Variants in PIEZO2 observed in about 807,000 individuals in gnomAD.
PIEZO2 encodes piezo type mechanosensitive ion channel component 2.
Under a neutral mutation model 337.3 loss-of-function variants are expected in PIEZO2, and 172 were observed. The ratio of observed to expected loss-of-function variants is 0.51; its 90% CI spans 0.45 to 0.58. PIEZO2 has a LOEUF of 0.58. Ranked by LOEUF, PIEZO2 falls within the 20% of genes least tolerant of loss-of-function variation. PIEZO2 has a pLI of 0.00. For missense variants in PIEZO2, 3,028 were observed against 3,391.3 expected (o/e 0.89, Z 2.66); for synonymous variants, 1,251 against 1,228.5 (o/e 1.02, Z -0.38).
At position 10,969,323 on chromosome 18, in the gene PIEZO2, C is replaced by G. The variant is rs2034143807; in HGVS notation, c.286+10212G>C. ...TTATTTAAGCAAACCAAATCAATCC[C>G]AAATCATTTTAAACTTCCTGCTCTG... is the stretch of plus-strand genomic sequence containing the variant. On this transcript the variant is annotated intron_variant, in intron 3 of 55. Coordinates refer to ENST00000674853, the MANE Select transcript of PIEZO2 (RefSeq NM_001378183.1). This position sits in a 1 kb window ranked among gnomAD's most constrained non-coding sequence, Gnocchi z 4.5. Among the ~76,000 whole-genome samples, 1 of 152,124 alleles carries G rather than the reference C, an allele frequency of 6.6e-6. No homozygotes were observed. Among genetic ancestry groups the G allele is most frequent in the African/African-American group, 2.4e-5 (1 of 41,434 alleles).
intron 2 of PIEZO2, among the ~76,000 whole-genome samples, chr18:10,989,329 A>AT (rs2035004271): frequency 6.6e-6 from 1 of 152,158 alleles, no homozygotes; most frequent in East Asian, 1.9e-4. Context: ...ATAGAAAAAA[A>AT]TAATACTGGA....
rs182712549 is a variant in PIEZO2, at chr18:10,708,798, A to G, written c.5424-359T>C. 2.7e-3 allele frequency among the ~76,000 whole-genome samples: 409 copies of G among 152,374 alleles called. 7 individuals carry two copies. Among genetic ancestry groups the G allele is most frequent in the African/African-American group, 9.4e-3 (393 of 41,598 alleles). ...GGGTTTCTTTTAAATGAAAGAAAAT[A>G]TGCTTTATTTGGAGCTTGCAGTCCT... is the stretch of plus-strand genomic sequence containing the variant. On this transcript the variant is annotated intron_variant, in intron 39 of 55. Coordinates refer to ENST00000674853, the MANE Select transcript of PIEZO2 (RefSeq NM_001378183.1).
chr18:11,093,082 G>C (rs1486917990), intron 1 of PIEZO2, among the ~76,000 whole-genome samples: 1 of 152,192 alleles, frequency 6.6e-6, no homozygotes, highest in Non-Finnish European at 1.5e-5. Flanking sequence ...AGCTTCAGCA[G>C]CTTTGATTAC....
intron 18 of PIEZO2, among the ~76,000 whole-genome samples, chr18:10,774,679 GTTT>G (rs371792915): frequency 2.2e-4 from 33 of 152,068 alleles, no homozygotes; most frequent in African/African-American, 7.5e-4. Flanking sequence ...TTCTCCTACA[GTTT>G]TTTTTAAAAG....
intron 3 of PIEZO2, among the ~76,000 whole-genome samples, chr18:10,957,279 C>A (rs1333682130): frequency 2.0e-5 from 3 of 152,042 alleles, no homozygotes; most frequent in Non-Finnish European, 4.4e-5. Context: ...AGCCTGTAAT[C>A]CCAGCTACTT....
chr18:10,968,755 T>C (rs1030605430), intron 3 of PIEZO2, among the ~76,000 whole-genome samples: 1 of 152,234 alleles, frequency 6.6e-6, no homozygotes, highest in Non-Finnish European at 1.5e-5. Flanking sequence ...TGCATTATAA[T>C]ACTTTTACAT....
intron 2 of PIEZO2, among the ~76,000 whole-genome samples, chr18:11,045,217 C>T (rs563241943): frequency 8.7e-4 from 115 of 132,116 alleles, no homozygotes; most frequent in Admixed American, 1.7e-3. Flanking sequence ...AGTAGAATGG[C>T]GTGAACCCGG....
In PIEZO2 at chr18:11,111,819, T is replaced by C. The variant is rs965208741; in HGVS notation, c.64+36706A>G. On this transcript the variant is annotated intron_variant, in intron 1 of 55. Transcript: ENST00000674853. The surrounding 1 kb of genome is among the most constrained non-coding windows in gnomAD (Gnocchi z 6.2). ...AGGCTCCTTGTAGGTTAAATTATTC[T>C]TGATGAGAAGCAACTTAAATATTAC... 4.6e-5 allele frequency among the ~76,000 whole-genome samples: 7 copies of C among 152,354 alleles called. No homozygotes were observed. The highest frequency in any genetic ancestry group is 1.7e-4 in the African/African-American group (7 of 41,588).
At chr18:10,729,783 A>T (rs1598408797) in intron 36 of PIEZO2, among the ~76,000 whole-genome samples, 1 of 152,160 alleles carries the variant, frequency 6.6e-6, no homozygotes, top group South Asian at 2.1e-4. Context: ...ATATGCACCC[A>T]TTAAAAATGC....
Position 10,671,844 on chromosome 18 carries a change from T to C in PIEZO2, c.8346-65A>G. ...AATATAGTTAATAAAGAAAAGCATG[T>C]CTAAAAGAAAAAAATATTACTTTCC... On this transcript the variant is annotated intron_variant, in intron 55 of 55. Transcript: ENST00000674853. 6.6e-6 allele frequency: 9 copies of C among 1,368,126 alleles called. No homozygotes were observed. In the East Asian group the frequency reaches 2.2e-4, roughly 34 times the overall value. 84.7% of individuals were successfully genotyped at this position (1,368,126 alleles called of 1,614,324 possible).
At chr18:10,758,771 G>C (rs1444494701) in intron 26 of PIEZO2, among the ~76,000 whole-genome samples, 2 of 152,202 alleles carry the variant, frequency 1.3e-5, no homozygotes, top group Non-Finnish European at 2.9e-5. Flanking sequence ...AAGCCACACT[G>C]CAAGTGTGGT....
In PIEZO2 at chr18:10,780,337, A is replaced by G. The variant is rs2038934575; in HGVS notation, c.2522T>C (p.Leu841Pro). The change falls in exon 18 of 56, where the codon CTA (leucine) becomes CCA (proline). Residue 841 changes from leucine (L) to proline (P), a missense_variant. Coordinates refer to ENST00000674853, the MANE Select transcript of PIEZO2 (RefSeq NM_001378183.1). Reference sequence around the variant, plus strand: ...TTGAAGTACCCACCTATTTATTATTAGATATACGCGACCATTGACTTTGGC... The same window carrying G: ...TTGAAGTACCCACCTATTTATTATTGGATATACGCGACCATTGACTTTGGC... ...SHAKVNGRVY[L>P]IINSIKKKLP... 1.4e-6 allele frequency: 1 copy of G among 703,020 alleles called. No individual in the cohort carries two copies. Among genetic ancestry groups the G allele is most frequent in the African/African-American group, 1.7e-5 (1 of 57,386 alleles). 43.5% of individuals were successfully genotyped at this position (703,020 alleles called of 1,614,324 possible).
intron 4 of PIEZO2, among the ~76,000 whole-genome samples, chr18:10,910,354 G>A (rs11662926): frequency 0.29 from 44,349 of 152,132 alleles, 6,571 homozygotes; most frequent in Middle Eastern, 0.34. Flanking sequence ...AGGCCGAGCT[G>A]GGCGGATCAC....
chr18:10,771,579 T>C (rs2038605120), intron 20 of PIEZO2, among the ~76,000 whole-genome samples: 1 of 152,244 alleles, frequency 6.6e-6, no homozygotes, highest in Non-Finnish European at 1.5e-5. Flanking sequence ...ATGCAACAGT[T>C]ACTGTGCCTG....
intron 2 of PIEZO2, among the ~76,000 whole-genome samples, chr18:11,020,848 T>TA (rs1220352940): frequency 5.3e-5 from 8 of 152,248 alleles, no homozygotes; most frequent in Admixed American, 1.3e-4. Context: ...ACTGTTCTGC[T>TA]ACTGTGCTCT....
At chr18:10,740,435 G>A (rs2037172785) in intron 33 of PIEZO2, 1 of 152,494 alleles carries the variant, frequency 6.6e-6, no homozygotes, top group Non-Finnish European at 1.5e-5. Context: ...TTGAAATTGG[G>A]GAGGAGGCGT....
chr18:10,805,509 T>C (rs566168972), intron 8 of PIEZO2, among the ~76,000 whole-genome samples: 6 of 152,290 alleles, frequency 3.9e-5, no homozygotes, highest in East Asian at 1.9e-4. Flanking sequence ...AGAGTGAAAC[T>C]CCATCTCAAA....
chr18:10,887,953 G>A (rs1425618885), intron 4 of PIEZO2, among the ~76,000 whole-genome samples: 1 of 152,060 alleles, frequency 6.6e-6, no homozygotes, highest in Admixed American at 6.5e-5. Flanking sequence ...TGTCTGCTGG[G>A]TCATCATGTT....
rs575345165 is a variant in PIEZO2 at position 11,047,072 on chromosome 18, G to A, written c.160+19055C>T. Among the ~76,000 whole-genome samples the A allele has an allele frequency of 7.2e-5, 11 of 152,254 alleles. No individual in the cohort carries two copies. In the South Asian group the frequency reaches 2.1e-3, roughly 29 times the overall value. ...GTAGCAAAACAAGGACCAGATTTCC[G>A]TCTTCACTCATCCTTTCCATGGGGG... On this transcript the variant is annotated intron_variant, in intron 2 of 55. Transcript: ENST00000674853. This position sits in a 1 kb window ranked among gnomAD's most constrained non-coding sequence, Gnocchi z 7.2.
Sources: gnomAD v4.1 joint callset for allele counts (sites outside exome capture counted in the v4.1 genomes callset) on GRCh38, gnomAD v4.1.1 for gene constraint, Gnocchi (gnomAD v3.1) non-coding constraint, MANE v1.5 for transcripts, NCBI Gene and HGNC (gene_info 2026-07-23, HGNC 2026-07-21) for gene names.